TENM2: variants seen among roughly 807,000 people sequenced by gnomAD.
TENM2 encodes the protein teneurin-2.
In TENM2, 52 loss-of-function variants were observed where a neutral mutation model predicts 245.2. That is an observed-to-expected ratio of 0.21 (90% CI 0.17 to 0.27). The LOEUF (loss-of-function observed/expected upper bound fraction) is 0.27, where lower values mean the gene tolerates loss of function less well. TENM2 is among the 10% of genes least tolerant of loss of function. TENM2 has a pLI of 1.00. For missense variants in TENM2, 3,046 were observed against 3,666.8 expected (o/e 0.83, Z 4.37); for synonymous variants, 1,363 against 1,438.9 (o/e 0.95, Z 1.19).
At chr5:167,159,839 C>T in the TENM2 span, among the ~76,000 whole-genome samples, 8 of 152,184 alleles carry the variant, frequency 5.3e-5, no homozygotes, top group African/African-American at 1.7e-4. Flanking sequence ...TGGTGGTGCC[C>T]GCTCCCACTT....
chr5:166,999,103 A>G, the TENM2 span, among the ~76,000 whole-genome samples: 1 of 151,916 alleles, frequency 6.6e-6, no homozygotes. Flanking sequence ...AACCCTGTTT[A>G]TTCTGTGGAG....
intron 27 of TENM2, among the ~76,000 whole-genome samples, chr5:168,253,519 G>A (rs942858312): frequency 2.0e-5 from 3 of 149,420 alleles, no homozygotes; most frequent in Non-Finnish European, 4.4e-5. Flanking sequence ...TCCGCCTCAC[G>A]GGTTCACACC....
chr5:167,511,084 A>G (rs945300550), intron 2 of TENM2, among the ~76,000 whole-genome samples: 5 of 152,214 alleles, frequency 3.3e-5, no homozygotes, highest in Non-Finnish European at 5.9e-5. Flanking sequence ...CACATGTATT[A>G]CATACCTTCT....
chr5:167,207,089 G>A, the TENM2 span, among the ~76,000 whole-genome samples: 3 of 151,722 alleles, frequency 2.0e-5, no homozygotes, highest in Admixed American at 6.6e-5. Context: ...GAGCCCTGCA[G>A]TAGCTGACTG....
At chr5:168,179,084 G>T (rs942277133) in intron 13 of TENM2, among the ~76,000 whole-genome samples, 2 of 145,446 alleles carry the variant, frequency 1.4e-5, no homozygotes, top group East Asian at 4.1e-4. Flanking sequence ...GCAGTGAGTC[G>T]AGATCGAGCC....
chr5:167,024,670 T>G, the TENM2 span, among the ~76,000 whole-genome samples: 1 of 152,176 alleles, frequency 6.6e-6, no homozygotes, highest in Non-Finnish European at 1.5e-5. Context: ...AAGGTGGGAC[T>G]AGCTTGGCCA....
intron 5 of TENM2, among the ~76,000 whole-genome samples, chr5:168,017,039 C>G (rs540642434): frequency 6.6e-6 from 1 of 152,198 alleles, no homozygotes; most frequent in Non-Finnish European, 1.5e-5. Flanking sequence ...GCACCCTGCT[C>G]TGGTCCTTAT....
chr5:167,362,768 TA>T lies in TENM2; in HGVS notation c.227-12425del, dbSNP rs556050256. Among the ~76,000 whole-genome samples the T allele has an allele frequency of 5.6e-3, 847 of 152,298 alleles. 7 individuals are homozygous for T. The highest frequency in any genetic ancestry group is 0.019 in the African/African-American group (788 of 41,552). ...TATATCTAAATATATGCAGCTTAAC[TA>T]AAAACTGCATTTTATTTACATTGTG... On this transcript the variant is annotated intron_variant, in intron 1 of 28. Transcript: ENST00000518659.
chr5:167,351,639 T>TGGAGCGCCC (rs1352849097), intron 1 of TENM2, among the ~76,000 whole-genome samples: 1 of 152,168 alleles, frequency 6.6e-6, no homozygotes, highest in East Asian at 1.9e-4. Context: ...GGAAGCTGAA[T>TGGAGCGCCC]GGAGCCTTGG....
intron 2 of TENM2, among the ~76,000 whole-genome samples, chr5:167,500,666 G>T (rs555887422): frequency 1.3e-5 from 2 of 152,216 alleles, no homozygotes; most frequent in South Asian, 4.2e-4. Flanking sequence ...TAGGCAGTGT[G>T]TGATGGAATG....
chr5:167,517,230 C>T (rs920912442), intron 2 of TENM2, among the ~76,000 whole-genome samples: 2 of 152,200 alleles, frequency 1.3e-5, no homozygotes, highest in Non-Finnish European at 2.9e-5. Flanking sequence ...TTGTAATTCT[C>T]ACTCTGAGAG....
At chr5:167,210,495 T>C in the TENM2 span, among the ~76,000 whole-genome samples, 1 of 148,810 alleles carries the variant, frequency 6.7e-6, no homozygotes. Flanking sequence ...CTTGCTCTGT[T>C]GCCCAGGCCG....
At chr5:167,562,768 C>T (rs1041996482) in intron 2 of TENM2, among the ~76,000 whole-genome samples, 3 of 151,884 alleles carry the variant, frequency 2.0e-5, no homozygotes, top group African/African-American at 7.3e-5. Context: ...ACCAGCCTGG[C>T]CAACACGGTG....
At chr5:166,997,752 G>A in the TENM2 span, among the ~76,000 whole-genome samples, 484 of 152,198 alleles carry the variant, frequency 3.2e-3, 14 homozygotes, top group South Asian at 0.057. Context: ...GAAATTGTAG[G>A]CATCAGATCA....
chr5:167,002,685 G>A, the TENM2 span, among the ~76,000 whole-genome samples: 1 of 151,732 alleles, frequency 6.6e-6, no homozygotes, highest in Admixed American at 6.6e-5. Flanking sequence ...AACAGCCCCT[G>A]TTCTTCGAGC....
intron 3 of TENM2, among the ~76,000 whole-genome samples, chr5:167,909,262 G>A (rs1382049089): frequency 6.6e-6 from 1 of 151,906 alleles, no homozygotes; most frequent in Non-Finnish European, 1.5e-5. Context: ...CTTTTGTAAG[G>A]GAAGTGGACC....
intron 2 of TENM2, among the ~76,000 whole-genome samples, chr5:167,555,555 T>G (rs2127630114): frequency 6.6e-6 from 1 of 152,298 alleles, no homozygotes; most frequent in African/African-American, 2.4e-5. Context: ...ATTTGGAGAT[T>G]TGGCCTTCCA....
chr5:168,124,731 C>G, intron 10 of TENM2, 119 bp from the exon 13 acceptor site: 1 of 897,654 alleles, frequency 1.1e-6, no homozygotes. Context: ...CATTTGCTAG[C>G]AAGTGGATGG....
chr5:167,308,504 A>C (rs866739087), intron 1 of TENM2, among the ~76,000 whole-genome samples: 19 of 152,308 alleles, frequency 1.2e-4, no homozygotes, highest in South Asian at 1.0e-3. Context: ...CTCAGACATG[A>C]TTATGCACTG....
Sources: allele counts gnomAD v4.1 joint callset (sites outside exome capture counted in the v4.1 genomes callset), GRCh38; gene constraint gnomAD v4.1.1; transcripts MANE v1.5; gene names NCBI Gene and HGNC (gene_info 2026-07-23, HGNC 2026-07-21).